Variants in UMPS observed in about 807,000 individuals in gnomAD.
UMPS encodes the protein uridine monophosphate synthetase.
A neutral mutation model predicts 38.9 loss-of-function variants in UMPS; 21 were observed. The ratio of observed to expected loss-of-function variants is 0.54; its 90% confidence interval spans 0.38 to 0.78. The LOEUF (loss-of-function observed/expected upper bound fraction) is 0.78. Ranked by LOEUF, UMPS falls within the 30% of genes least tolerant of loss-of-function variation. The pLI is 0.00. For missense variants in UMPS, 533 were observed against 591.6 expected (o/e 0.90, Z 1.03); for synonymous variants, 208 against 219.3 (o/e 0.95, Z 0.45).
rs749956589 is a variant in UMPS at position 124,742,267 on chromosome 3, G to T, written c.1273+1G>T. On this transcript the variant is annotated splice_donor_variant, in intron 5 of 5. Coordinates refer to ENST00000232607, the MANE Select transcript of UMPS (RefSeq NM_000373.4). LOFTEE classifies it high-confidence loss of function. ...CCAGGAGTTCAGTTGGAAGCAGGAG[G>T]TAAATCTGGTCACTGGTCGTGGCTC... The T allele has an allele frequency of 6.2e-7, 1 of 1,610,336 alleles. No individual in the cohort carries two copies. The highest frequency in any genetic ancestry group is 2.2e-5 in the East Asian group (1 of 44,864).
chr3:124,732,666 A>G (rs974085150), intron 1 of UMPS: 2 of 154,570 alleles, frequency 1.3e-5, no homozygotes, highest in Non-Finnish European at 2.9e-5. Context: ...GACTGCAAAG[A>G]TAGAGAACAT....
chr3:124,732,967 G>GTGT (rs149158406), intron 1 of UMPS, among the ~76,000 whole-genome samples: 2 of 147,738 alleles, frequency 1.4e-5, no homozygotes, highest in African/African-American at 5.0e-5. Flanking sequence ...ACTAGATCAT[G>GTGT]GTGTGTGTGT....
intron 1 of UMPS, chr3:124,733,625 G>A: frequency 5.4e-6 from 1 of 183,670 alleles, no homozygotes; most frequent in Non-Finnish European, 1.2e-5. Context: ...GACTGCTGCG[G>A]CCTCTACTAT....
At chr3:124,739,858 A>T (rs1309824501) in intron 3 of UMPS, among the ~76,000 whole-genome samples, 166 bp from the exon 4 acceptor site, 1 of 152,218 alleles carries the variant, frequency 6.6e-6, no homozygotes, top group Non-Finnish European at 1.5e-5. Flanking sequence ...GTTTTCACAG[A>T]TGGAACCATG....
At chr3:124,743,333 C>CAAAA (rs2063569901) in intron 5 of UMPS, among the ~76,000 whole-genome samples, 2 of 137,164 alleles carry the variant, frequency 1.5e-5, no homozygotes, top group Admixed American at 1.5e-4. Context: ...GACTCTGTCT[C>CAAAA]AAAAAAATAA....
Position 124,747,862 on chromosome 3 carries a change from A to G in UMPS, c.*3778A>G, listed in dbSNP as rs559567113. The G allele has an allele frequency of 2.0e-4, 90 of 453,520 alleles. No individual in the cohort carries two copies. The highest frequency in any genetic ancestry group is 1.4e-3 in the Middle Eastern group (2 of 1,466). The allele number at this position is 453,520 out of a possible 1,614,324, so 28.1% of individuals were successfully genotyped here. The stretch of plus-strand genomic sequence containing the variant: ...TTGTGTGAATCCTGTACTTTAACAC[A>G]GTGGACCAAGTGTCAGTCATTGAAA... On this transcript the variant is annotated 3_prime_UTR_variant, in exon 6 of 6. Transcript: ENST00000232607.
rs2063473155 is a variant in UMPS, at chr3:124,731,155, G to GTCATTGCAGC, written c.156+535_156+536insAGCTCATTGC. On this transcript the variant is annotated intron_variant, in intron 1 of 5. Transcript: ENST00000232607. Reference sequence around the variant, plus strand: ...TGGGAGGTCAAGGCTGCAATGAGCTGTCATTGCGCCACTGCACTCCAGCCT... The same window carrying GTCATTGCAGC: ...TGGGAGGTCAAGGCTGCAATGAGCTGTCATTGCAGCTCATTGCGCCACTGCACTCCAGCCT... Among the ~76,000 whole-genome samples, 3 of 152,258 alleles carry GTCATTGCAGC rather than the reference G, an allele frequency of 2.0e-5. No homozygotes were observed. In the South Asian group the frequency reaches 6.2e-4, roughly 32 times the overall value.
Position 124,748,137 on chromosome 3 carries a change from C to T in UMPS, c.*4053C>T, listed in dbSNP as rs1037522005. 9.3e-6 allele frequency: 4 copies of T among 430,050 alleles called. No homozygotes were observed. The highest frequency in any genetic ancestry group is 1.8e-5 in the Non-Finnish European group (4 of 220,130). 26.6% of individuals were successfully genotyped at this position (430,050 alleles called of 1,614,324 possible). ...GTATATATAAATAATACTATATTGC[C>T]CAGGCTGGTCTCGAACTCCTTAGCT... is the stretch of plus-strand genomic sequence containing the variant. On this transcript the variant is annotated 3_prime_UTR_variant, in exon 6 of 6. Transcript: ENST00000232607.
At chr3:124,743,341 T>TAAATAAATAA (rs2063570097) in intron 5 of UMPS, among the ~76,000 whole-genome samples, 1 of 133,446 alleles carries the variant, frequency 7.5e-6, no homozygotes. Flanking sequence ...CTCAAAAAAA[T>TAAATAAATAA]AAATAAATAA....
chr3:124,738,367 G>T (rs1451112415), intron 3 of UMPS, 128 bp downstream of exon 3: 3 of 924,410 alleles, frequency 3.2e-6, no homozygotes, highest in African/African-American at 1.6e-5. Flanking sequence ...GGATCCAGGA[G>T]CTCAAGTGAT....
intron 5 of UMPS, among the ~76,000 whole-genome samples, chr3:124,743,616 T>C (rs1017725134): frequency 2.0e-5 from 3 of 151,854 alleles, no homozygotes; most frequent in East Asian, 3.9e-4. Context: ...CCAGCCTGGG[T>C]GACAGAGCGA....
In UMPS at chr3:124,742,416, C is replaced by G. The variant is rs1400252316; in HGVS notation, c.1273+150C>G. Reference sequence around the variant, plus strand: ...AATGAGCCCTTTGGTAACTATGTATCTTTGGACAAGTCAGTTTACTTCTTT... The same window carrying G: ...AATGAGCCCTTTGGTAACTATGTATGTTTGGACAAGTCAGTTTACTTCTTT... On this transcript the variant is annotated intron_variant, in intron 5 of 5. Coordinates refer to ENST00000232607, the MANE Select transcript of UMPS (RefSeq NM_000373.4). 3 of 664,642 alleles carry G rather than the reference C, an allele frequency of 4.5e-6. No homozygotes were observed. In the East Asian group the frequency reaches 8.0e-5, roughly 18 times the overall value. The allele number at this position is 664,642 out of a possible 1,614,324, so 41.2% of individuals were successfully genotyped here. A position where few individuals can be genotyped will look rare whatever the true frequency, so the allele number is the denominator to read the frequency against.
intron 1 of UMPS, among the ~76,000 whole-genome samples, chr3:124,731,160 T>G (rs1350822286): frequency 6.6e-6 from 1 of 152,076 alleles, no homozygotes; most frequent in Non-Finnish European, 1.5e-5. Flanking sequence ...GAGCTGTCAT[T>G]GCGCCACTGC....
intron 4 of UMPS, among the ~76,000 whole-genome samples, chr3:124,741,300 G>A (rs1296981449): frequency 1.3e-5 from 2 of 152,078 alleles, no homozygotes; most frequent in East Asian, 1.9e-4. Flanking sequence ...CTCAGGTCTC[G>A]AAGTACCGAG....
At position 124,737,737 on chromosome 3, in the gene UMPS, G is replaced by A. The variant is rs144601331; in HGVS notation, c.480G>A (p.Lys160=). ...TGTTGGACAGAGAGCAGGGAGGCAA[G>A]GACAAGTTGCAGGCGCACGGGATCC... is the stretch of plus-strand genomic sequence containing the variant. The part of the protein sequence containing the change: ...IVLLDREQGG[K]DKLQAHGIRL... Residue 160 remains lysine, a synonymous_variant, in exon 3 of 6, where the codon AAG becomes AAA. Transcript: ENST00000232607. 6 of 1,614,042 alleles carry A rather than the reference G, an allele frequency of 3.7e-6. No homozygotes were observed. Among genetic ancestry groups the A allele is most frequent in the Admixed American group, 1.7e-5 (1 of 59,998 alleles).
Position 124,742,163 on chromosome 3 carries a change from T to C in UMPS, c.1170T>C (p.Ala390=). 1 of 1,613,790 alleles carries C rather than the reference T, an allele frequency of 6.2e-7. No homozygotes were observed. The highest frequency in any genetic ancestry group is 2.2e-5 in the East Asian group (1 of 44,874). Residue 390 remains alanine (A), a synonymous_variant, in exon 5 of 6, where the codon GCT becomes GCC. Coordinates refer to ENST00000232607, the MANE Select transcript of UMPS (RefSeq NM_000373.4). Reference sequence around the variant, plus strand: ...TACATTCCATTTAGGTTAGAATGGCTGAGGAGCACTCTGAATTTGTTGTTG... The same window carrying C: ...TACATTCCATTTAGGTTAGAATGGCCGAGGAGCACTCTGAATTTGTTGTTG... ...GDYTRAAVRM[A]EEHSEFVVGF...
chr3:124,740,712 C>T (rs1284555102), intron 4 of UMPS, among the ~76,000 whole-genome samples: 1 of 152,142 alleles, frequency 6.6e-6, no homozygotes, highest in East Asian at 1.9e-4. Flanking sequence ...AATCCTAGCA[C>T]TTTGGGAGGC....
chr3:124,743,833 T>G (rs1258691996), intron 5 of UMPS, 82 bp from the exon 6 acceptor site: 1 of 1,560,890 alleles, frequency 6.4e-7, no homozygotes, highest in African/African-American at 1.4e-5. Context: ...TAAAGCTGGT[T>G]AGATACTTTT....
chr3:124,735,007 C>A, intron 1 of UMPS, 86 bp from the exon 2 acceptor site: 1 of 1,282,280 alleles, frequency 7.8e-7, no homozygotes, highest in South Asian at 1.5e-5. Context: ...GGCAACAGGG[C>A]GAGACTCCAT....
Sources: gnomAD v4.1 joint callset for allele counts (sites outside exome capture counted in the v4.1 genomes callset) on GRCh38, gnomAD v4.1.1 for gene constraint, MANE v1.5 for transcripts, NCBI Gene and HGNC (gene_info 2026-07-23, HGNC 2026-07-21) for gene names.